GATAD2A: variants seen among roughly 807,000 people sequenced by gnomAD.
The protein encoded by GATAD2A is transcriptional repressor p66-alpha.
A neutral mutation model predicts 68.5 loss-of-function variants in GATAD2A; 12 were observed. That is an observed-to-expected ratio of 0.18 (90% CI 0.11 to 0.28). GATAD2A has a LOEUF of 0.28. GATAD2A is among the 10% of genes least tolerant of loss of function. The probability of loss-of-function intolerance (pLI) is 1.00; values close to 1 mark genes in which losing one functional copy is unlikely to be tolerated. For missense variants in GATAD2A, 755 were observed against 868.5 expected (o/e 0.87, Z 1.64); for synonymous variants, 410 against 375.3 (o/e 1.09, Z -1.07).
intron 1 of GATAD2A, among the ~76,000 whole-genome samples, chr19:19,389,831 C>T (rs112525330): frequency 0.015 from 2,279 of 152,192 alleles, 58 homozygotes; most frequent in African/African-American, 0.05. Context: ...GGTGCGATCT[C>T]GGCTCACTGC....
intron 1 of GATAD2A, among the ~76,000 whole-genome samples, chr19:19,413,439 A>C (rs1349087531): frequency 6.6e-6 from 1 of 152,080 alleles, no homozygotes; most frequent in Non-Finnish European, 1.5e-5. Flanking sequence ...CTGTCTTCTC[A>C]TGTAGTGTCC....
intron 1 of GATAD2A, among the ~76,000 whole-genome samples, chr19:19,416,594 C>A (rs1000580223): frequency 2.6e-5 from 4 of 152,176 alleles, no homozygotes; most frequent in African/African-American, 7.2e-5. Flanking sequence ...CAGAATCTTA[C>A]ACTCACCTTC....
In GATAD2A at chr19:19,413,494, C is replaced by T. The variant is rs556003923; in HGVS notation, c.-7+7475C>T. Among the ~76,000 whole-genome samples the T allele has an allele frequency of 4.6e-5, 7 of 152,258 alleles. No homozygotes were observed. In the South Asian group the frequency reaches 1.5e-3, roughly 32 times the overall value. On this transcript the variant is annotated intron_variant, in intron 1 of 11. Coordinates refer to ENST00000683918, the MANE Select transcript of GATAD2A (RefSeq NM_001384528.1). ...ATGCCCACCCCGTTCAGTGGTGGTTCTTTCAGAGGATTCTGTAGTCAGCTC... is the reference window on the plus strand; with the variant it reads ...ATGCCCACCCCGTTCAGTGGTGGTTTTTTCAGAGGATTCTGTAGTCAGCTC...
rs755830538 is a variant in GATAD2A, at chr19:19,474,495, C to G, written c.269+8881C>G. Among the ~76,000 whole-genome samples, 90 of 152,290 alleles carry G rather than the reference C, an allele frequency of 5.9e-4. 2 individuals are homozygous for G. The highest frequency in any genetic ancestry group is 1.4e-3 in the Admixed American group (22 of 15,304). On this transcript the variant is annotated intron_variant, in intron 2 of 11. Transcript: ENST00000683918. ...GGGATGCACTCACAGAGTCAGTGCTCTTTGGGGTCCGGCTTCCTTCTGAGT... is the reference window on the plus strand; with the variant it reads ...GGGATGCACTCACAGAGTCAGTGCTGTTTGGGGTCCGGCTTCCTTCTGAGT...
In GATAD2A at chr19:19,505,849, T is replaced by C. The variant is rs999102820; in HGVS notation, c.*375T>C. Reference sequence around the variant, plus strand: ...GGGCGGCTCACCCTGGACACTGTGATGCGCATGGGCAAGGCCAGCGCCCGG... The same window carrying C: ...GGGCGGCTCACCCTGGACACTGTGACGCGCATGGGCAAGGCCAGCGCCCGG... On this transcript the variant is annotated 3_prime_UTR_variant, in exon 12 of 12. Transcript: ENST00000683918. The C allele has an allele frequency of 1.2e-5, 5 of 406,556 alleles. No individual in the cohort carries two copies. Among genetic ancestry groups the C allele is most frequent in the Non-Finnish European group, 2.2e-5 (5 of 231,652 alleles). The allele number at this position is 406,556 out of a possible 1,614,324, so 25.2% of individuals were successfully genotyped here.
At position 19,396,551 on chromosome 19, in the gene GATAD2A, T is replaced by C. The variant is rs370616657; in HGVS notation, c.-7+10413T>C. ...CAGCCTCACCTTACTGTACTCTCCA[T>C]ATGGACTTGAAGTGCCTCAGGAAAC... On this transcript the variant is annotated intron_variant, in intron 1 of 11. Coordinates refer to the GATAD2A transcript ENST00000360315. Among the ~76,000 whole-genome samples, 19 of 152,250 alleles carry C rather than the reference T, an allele frequency of 1.2e-4. No individual in the cohort carries two copies. The South Asian group carries it at 2.5e-3, about 20-fold the overall frequency.
chr19:19,479,855 T>TTTTTA (rs2058934115), intron 2 of GATAD2A, among the ~76,000 whole-genome samples: 1 of 135,044 alleles, frequency 7.4e-6, no homozygotes, highest in Non-Finnish European at 1.6e-5. Context: ...TTTTTTTTTT[T>TTTTTA]GAGATGGAGT....
chr19:19,406,178 C>T (rs897059289), intron 1 of GATAD2A, among the ~76,000 whole-genome samples, 159 bp downstream of exon 1: 7 of 151,894 alleles, frequency 4.6e-5, no homozygotes, highest in South Asian at 2.1e-4. Context: ...TCCTTGTATT[C>T]TGGGAGCGTC....
chr19:19,487,059 G>A (rs1348749523), intron 2 of GATAD2A, among the ~76,000 whole-genome samples: 2 of 152,196 alleles, frequency 1.3e-5, no homozygotes, highest in African/African-American at 4.8e-5. Context: ...AGGAGCATGC[G>A]GGCTCAGGGC....
intron 1 of GATAD2A, chr19:19,435,014 G>T (rs745825094): frequency 2.1e-6 from 1 of 482,826 alleles, no homozygotes; most frequent in African/African-American, 2.0e-5. Context: ...ACATGATGGT[G>T]AGGAGGTTAC....
chr19:19,450,752 AAAAAAAAAAAC>A (rs2056290173), intron 1 of GATAD2A, among the ~76,000 whole-genome samples: 1 of 151,128 alleles, frequency 6.6e-6, no homozygotes, highest in Non-Finnish European at 1.5e-5. Context: ...TTAAAAAAAA[AAAAAAAAAAAC>A]TCTTTTTTTT....
chr19:19,408,027 C>T (rs957255302), intron 1 of GATAD2A, among the ~76,000 whole-genome samples: 29 of 152,302 alleles, frequency 1.9e-4, no homozygotes, highest in African/African-American at 7.0e-4. Flanking sequence ...TTTTTTGAGA[C>T]GGAGTCTCGC....
chr19:19,454,823 C>T (rs1693913234), intron 1 of GATAD2A, among the ~76,000 whole-genome samples: 2 of 148,900 alleles, frequency 1.3e-5, no homozygotes, highest in Non-Finnish European at 3.0e-5. Context: ...CAGATTTGTT[C>T]CAACACAATT....
chr19:19,463,509 C>T (rs1023994306), intron 1 of GATAD2A, among the ~76,000 whole-genome samples: 10 of 140,762 alleles, frequency 7.1e-5, no homozygotes, highest in Non-Finnish European at 1.2e-4. Context: ...TGAGCAGGAG[C>T]GGGGGCGGGG....
chr19:19,439,821 A>G (rs1411175964), intron 1 of GATAD2A, among the ~76,000 whole-genome samples: 4 of 152,124 alleles, frequency 2.6e-5, no homozygotes. Flanking sequence ...GCACTCCAGC[A>G]TGGGTGACAA....
chr19:19,486,932 C>G (rs1237914343), intron 2 of GATAD2A, among the ~76,000 whole-genome samples: 1 of 152,250 alleles, frequency 6.6e-6, no homozygotes, highest in African/African-American at 2.4e-5. Context: ...TGTCTTCTAG[C>G]TCACTGGGTG....
chr19:19,431,531 T>A (rs1475609921), intron 1 of GATAD2A, among the ~76,000 whole-genome samples: 1 of 151,026 alleles, frequency 6.6e-6, no homozygotes, highest in African/African-American at 2.4e-5. Flanking sequence ...CCGTCTCTAA[T>A]AAAAATATAA....
chr19:19,484,518 C>CTTTTTTTTTTTTCTTTT (rs2059278742), intron 2 of GATAD2A, among the ~76,000 whole-genome samples: 5 of 114,462 alleles, frequency 4.4e-5, no homozygotes, highest in Non-Finnish European at 3.6e-5. Flanking sequence ...TTTTCTTTTT[C>CTTTTTTTTTTTTCTTTT]TTTTTTTTTT....
At chr19:19,465,034 C>T in intron 1 of GATAD2A, 2 of 451,908 alleles carry the variant, frequency 4.4e-6, no homozygotes, top group Non-Finnish European at 8.1e-6. Context: ...TGATAAGCAG[C>T]CACCTTCCAC....
Sources: allele counts gnomAD v4.1 joint callset (sites outside exome capture counted in the v4.1 genomes callset), GRCh38; gene constraint gnomAD v4.1.1; transcripts MANE v1.5; gene names NCBI Gene and HGNC (gene_info 2026-07-23, HGNC 2026-07-21).